The following SUGCT variants were observed in gnomAD, a reference collection of about 807,000 sequenced individuals.
SUGCT encodes the protein succinyl-CoA:glutarate CoA-transferase.
A neutral mutation model predicts 55.0 loss-of-function variants in SUGCT; 41 were observed. That is an observed-to-expected ratio of 0.74 (90% CI 0.58 to 0.97). The LOEUF is 0.97. SUGCT is among the 50% of genes least tolerant of loss of function. SUGCT has a pLI of 0.00. For missense variants in SUGCT, 568 were observed against 547.8 expected, an observed-to-expected ratio of 1.04 and a Z score of -0.37; for synonymous variants, 187 against 200.4, an observed-to-expected ratio of 0.93 and a Z score of 0.56.
At chr7:40,243,761 T>C (rs1239723408) in intron 7 of SUGCT, among the ~76,000 whole-genome samples, 7 of 152,188 alleles carry the variant, frequency 4.6e-5, no homozygotes, top group Admixed American at 1.3e-4. Flanking sequence ...AATTCAACTC[T>C]GTGTCCTAGT....
chr7:40,960,925 C>A, the SUGCT span, among the ~76,000 whole-genome samples: 1 of 152,260 alleles, frequency 6.6e-6, no homozygotes, highest in African/African-American at 2.4e-5. Flanking sequence ...GGTCCTGTGA[C>A]AATTTAATTG....
At chr7:40,159,194 A>G (rs546453255) in intron 1 of SUGCT, among the ~76,000 whole-genome samples, 31 of 152,354 alleles carry the variant, frequency 2.0e-4, no homozygotes, top group African/African-American at 7.5e-4. Flanking sequence ...TGCTGGGATT[A>G]TAGGTGTGAG....
intron 12 of SUGCT, among the ~76,000 whole-genome samples, chr7:40,532,526 CTG>C (rs3048827): frequency 0.097 from 12,997 of 133,710 alleles, 543 homozygotes; most frequent in South Asian, 0.12. Context: ...GCAAGTATGT[CTG>C]TGTGTGTGTG....
intron 1 of SUGCT, among the ~76,000 whole-genome samples, chr7:40,146,621 G>A (rs1048413916): frequency 2.6e-5 from 4 of 152,240 alleles, no homozygotes; most frequent in South Asian, 2.1e-4. Flanking sequence ...GGCACAGATC[G>A]CTCATGCTAT....
rs573568029 is a variant in SUGCT, at chr7:40,796,150, C to T, written c.1153+46653C>T. 3.3e-3 allele frequency among the ~76,000 whole-genome samples: 506 copies of T among 152,050 alleles called. 3 individuals are homozygous for T. The highest frequency in any genetic ancestry group is 5.3e-3 in the Non-Finnish European group (361 of 67,960). On this transcript the variant is annotated intron_variant, in intron 13 of 13. Coordinates refer to ENST00000335693, the MANE Select transcript of SUGCT (RefSeq NM_001193313.2). ...ACAAATACCTTTCAGGAAAAAAAAA[C>T]CACACAGTGTGTTGAGCCCACTAAA... is the stretch of plus-strand genomic sequence containing the variant.
At chr7:40,802,060 T>C (rs889806646) in intron 13 of SUGCT, among the ~76,000 whole-genome samples, 2 of 151,938 alleles carry the variant, frequency 1.3e-5, no homozygotes, top group Non-Finnish European at 2.9e-5. Context: ...GACTCTTTTT[T>C]TTCCTGAATG....
At chr7:40,397,415 G>A (rs1785797926) in intron 9 of SUGCT, among the ~76,000 whole-genome samples, 1 of 152,012 alleles carries the variant, frequency 6.6e-6, no homozygotes, top group Non-Finnish European at 1.5e-5. Context: ...CCTCTCTTAT[G>A]GCACTTAGCT....
At chr7:40,890,616 A>G in the SUGCT span, among the ~76,000 whole-genome samples, 1 of 152,056 alleles carries the variant, frequency 6.6e-6, no homozygotes, top group Non-Finnish European at 1.5e-5. Context: ...AGACTCCAAC[A>G]GCAAGCCTGC....
chr7:40,462,508 G>A (rs537015818), intron 11 of SUGCT, among the ~76,000 whole-genome samples: 7 of 152,252 alleles, frequency 4.6e-5, no homozygotes, highest in Admixed American at 2.6e-4. Context: ...AACTTGAAGA[G>A]AGAGCGTCAA....
At chr7:40,881,565 T>C in the SUGCT span, among the ~76,000 whole-genome samples, 1 of 152,230 alleles carries the variant, frequency 6.6e-6, no homozygotes. Context: ...GGCTGGGAGA[T>C]GGGGGTGGCC....
intron 9 of SUGCT, among the ~76,000 whole-genome samples, chr7:40,445,151 G>A (rs983035121): frequency 1.3e-5 from 2 of 151,972 alleles, no homozygotes; most frequent in Admixed American, 6.6e-5. Context: ...TAAGATCAGA[G>A]CAGAACTGAA....
At chr7:40,153,090 A>T (rs748096342) in intron 1 of SUGCT, 2 of 188,620 alleles carry the variant, frequency 1.1e-5, no homozygotes, top group Non-Finnish European at 2.2e-5. Flanking sequence ...AGGAAGGTTC[A>T]TGATGGACAA....
At chr7:40,972,989 C>G in the SUGCT span, among the ~76,000 whole-genome samples, 1 of 152,208 alleles carries the variant, frequency 6.6e-6, no homozygotes, top group African/African-American at 2.4e-5. Flanking sequence ...TCTGAGCACT[C>G]AGATCCATGT....
intron 1 of SUGCT, chr7:40,141,785 A>C (rs1562790718): frequency 5.5e-6 from 2 of 362,538 alleles, no homozygotes; most frequent in Non-Finnish European, 1.1e-5. Flanking sequence ...CCACAAAAGA[A>C]ATAGCACTGG....
chr7:40,658,114 C>T (rs905652392), intron 12 of SUGCT, among the ~76,000 whole-genome samples: 6 of 152,140 alleles, frequency 3.9e-5, no homozygotes, highest in African/African-American at 1.4e-4. Context: ...CACATTATTC[C>T]TTTATTGTAT....
At chr7:40,274,402 C>T (rs982338136) in intron 7 of SUGCT, 111 bp from the exon 8 acceptor site, 5 of 1,137,728 alleles carry the variant, frequency 4.4e-6, no homozygotes, top group Non-Finnish European at 6.2e-6. Flanking sequence ...TATGTGTCTG[C>T]ACAGTTAATA....
At chr7:40,299,119 T>G (rs903101030) in intron 8 of SUGCT, among the ~76,000 whole-genome samples, 1 of 152,202 alleles carries the variant, frequency 6.6e-6, no homozygotes, top group Non-Finnish European at 1.5e-5. Context: ...TTTTTCCCCA[T>G]GTTATCATCT....
At chr7:40,231,033 A>C (rs994200996) in intron 6 of SUGCT, among the ~76,000 whole-genome samples, 5 of 152,216 alleles carry the variant, frequency 3.3e-5, no homozygotes, top group African/African-American at 1.2e-4. Context: ...AGATACGGGA[A>C]TTTCCAGTAT....
At chr7:40,903,405 CA>C in the SUGCT span, among the ~76,000 whole-genome samples, 1 of 152,054 alleles carries the variant, frequency 6.6e-6, no homozygotes, top group Non-Finnish European at 1.5e-5. Context: ...AGAAGAGGGC[CA>C]GGGGAGAAGA....
Sources: allele counts gnomAD v4.1 joint callset (sites outside exome capture counted in the v4.1 genomes callset), GRCh38; gene constraint gnomAD v4.1.1; transcripts MANE v1.5; gene names NCBI Gene and HGNC (gene_info 2026-07-23, HGNC 2026-07-21).